The following USP4 variants were observed in gnomAD, a reference collection of about 807,000 sequenced individuals.
USP4 encodes ubiquitin specific peptidase 4, also known as ubiquitin carboxyl-terminal hydrolase 4.
A neutral mutation model predicts 118.2 loss-of-function variants in USP4; 72 were observed. The observed-to-expected ratio is 0.61, with a 90% CI of 0.50 to 0.74. The LOEUF (loss-of-function observed/expected upper bound fraction) is 0.74, where lower values mean the gene tolerates loss of function less well. USP4 is among the 30% of genes least tolerant of loss of function. The probability of loss-of-function intolerance (pLI) is 0.00; values close to 1 mark genes in which losing one functional copy is unlikely to be tolerated. For synonymous variants in USP4, 415 were observed against 440.4 expected (o/e 0.94, Z 0.72); for missense variants, 1,037 against 1,185.7 (o/e 0.87, Z 1.84).
intron 9 of USP4, 70 bp downstream of exon 9, chr3:49,305,645 C>T (rs944757447): frequency 2.2e-6 from 3 of 1,392,992 alleles, no homozygotes; most frequent in Non-Finnish European, 1.9e-6. Flanking sequence ...ACCTGAAGTC[C>T]CGAAACATTT....
intron 1 of USP4, 109 bp downstream of exon 1, chr3:49,339,815 G>C (rs2047718373): frequency 1.2e-6 from 1 of 825,980 alleles, no homozygotes; most frequent in Admixed American, 2.3e-5. Flanking sequence ...TACTCTTCCA[G>C]GGTCACTACA....
At chr3:49,317,545 T>TG (rs1342008615) in intron 6 of USP4, 3 of 372,230 alleles carry the variant, frequency 8.1e-6, no homozygotes, top group African/African-American at 4.6e-5. Context: ...TTTGTTTGTT[T>TG]TTTTTTTTTT....
At position 49,310,641 on chromosome 3, in the gene USP4, G is replaced by A. The variant is rs200347234; in HGVS notation, c.933C>T (p.Cys311=). The change falls in exon 8 of 22, where the codon TGC becomes TGT. Residue 311 remains cysteine, a synonymous_variant. Coordinates refer to ENST00000265560, the MANE Select transcript of USP4 (RefSeq NM_003363.4). ...LCGLGNLGNT[C]FMNSALQCLS... is the part of the protein sequence containing the mutation. Reference sequence around the variant, plus strand: ...CTACCTGCAAAGCGGAGTTCATGAAGCAGGTGTTTCCCAGGTTTCCAAGTC... The same window carrying A: ...CTACCTGCAAAGCGGAGTTCATGAAACAGGTGTTTCCCAGGTTTCCAAGTC... 4.8e-5 allele frequency: 78 copies of A among 1,613,928 alleles called. No individual in the cohort carries two copies. Among genetic ancestry groups the A allele is most frequent in the Non-Finnish European group, 5.9e-5 (70 of 1,179,888 alleles).
intron 6 of USP4, 40 bp downstream of exon 6, chr3:49,324,662 C>G: frequency 6.3e-7 from 1 of 1,581,254 alleles, no homozygotes; most frequent in South Asian, 1.1e-5. Context: ...GTCTCTTTTG[C>G]ACATGTGAGC....
chr3:49,300,432 A>C (rs1396419816), intron 11 of USP4, 35 bp downstream of exon 11: 4 of 1,592,632 alleles, frequency 2.5e-6, no homozygotes, highest in South Asian at 2.2e-5. Context: ...GACCACTTGC[A>C]GTGAGGGGTG....
At chr3:49,334,158 A>T (rs1286732312) in intron 2 of USP4, among the ~76,000 whole-genome samples, 1 of 152,250 alleles carries the variant, frequency 6.6e-6, no homozygotes, top group East Asian at 1.9e-4. Context: ...TGGAACTGAC[A>T]GATTGTCAAG....
intron 6 of USP4, 91 bp downstream of exon 6, chr3:49,324,611 G>T: frequency 8.1e-7 from 1 of 1,229,968 alleles, no homozygotes; most frequent in Non-Finnish European, 1.2e-6. Flanking sequence ...ATCTGAATCA[G>T]AACAATTTTT....
intron 8 of USP4, 44 bp downstream of exon 8, chr3:49,310,576 A>G: frequency 1.9e-6 from 3 of 1,551,808 alleles, no homozygotes; most frequent in Non-Finnish European, 2.7e-6. Context: ...TTCCACCCAA[A>G]CCTCAAGATG....
chr3:49,312,615 T>A (rs1363903843), intron 6 of USP4: 1 of 373,144 alleles, frequency 2.7e-6, no homozygotes, highest in South Asian at 1.9e-5. Context: ...AACGAAACTC[T>A]GTCTCAAAAA....
intron 19 of USP4, among the ~76,000 whole-genome samples, chr3:49,281,839 C>A (rs925476648): frequency 6.6e-6 from 1 of 151,188 alleles, no homozygotes; most frequent in Non-Finnish European, 1.5e-5. Context: ...GGTAAAACCC[C>A]GTCTCTACTA....
chr3:49,285,564 G>C (rs1204243752), intron 16 of USP4, among the ~76,000 whole-genome samples: 2 of 152,058 alleles, frequency 1.3e-5, no homozygotes. Context: ...GAAGGGAGCT[G>C]AAAGACAGAG....
At chr3:49,280,967 C>A (rs980500535) in intron 19 of USP4, 120 bp from the exon 20 acceptor site, 3 of 700,176 alleles carry the variant, frequency 4.3e-6, no homozygotes, top group Non-Finnish European at 7.3e-6. Context: ...TCAAACTATT[C>A]GAGAGAGACC....
chr3:49,327,541 A>C, intron 3 of USP4, 145 bp downstream of exon 3: 1 of 871,420 alleles, frequency 1.1e-6, no homozygotes, highest in Non-Finnish European at 1.7e-6. Flanking sequence ...TCCATCTCAA[A>C]AAAAAAAGAG....
Position 49,286,325 on chromosome 3 carries a change from C to T in USP4, c.1973G>A (p.Gly658Glu), listed in dbSNP as rs866935137. 2.5e-6 allele frequency: 4 copies of T among 1,613,820 alleles called. No homozygotes were observed. In the African/African-American group the frequency reaches 4.0e-5, roughly 16 times the overall value. ...ATGCTCCATTTCTTCCTCATCTTCT[C>T]CTGGCACATAAATGGAAAACAATAT... ...ACNGSRNSCE[G>E]EDEEEMEHQE... is the part of the protein sequence containing the mutation. The change falls in exon 16 of 22, where the codon GGA becomes GAA. Residue 658 changes from glycine (G) to glutamate (E), a missense_variant and splice_region_variant. By Grantham distance (98) the Gly-to-Glu change is moderately conservative (BLOSUM62 -2). Around this residue, in one of 3 missense-constraint regions of USP4, gnomAD observed 522 missense variants for 592.6 expected, o/e 0.88. Coordinates refer to ENST00000265560, the MANE Select transcript of USP4 (RefSeq NM_003363.4).
Position 49,287,365 on chromosome 3 carries a change from A to T in USP4, c.1973-1040T>A, listed in dbSNP as rs192641209. The stretch of plus-strand genomic sequence containing the variant: ...GAGACAAGGGTTCACCATGTTCACC[A>T]GGATGGTCTCTAGCTCCTGACCTCG... On this transcript the variant is annotated intron_variant, in intron 15 of 21. Coordinates refer to ENST00000265560, the MANE Select transcript of USP4 (RefSeq NM_003363.4). 2.8e-3 allele frequency among the ~76,000 whole-genome samples: 420 copies of T among 152,116 alleles called. 3 individuals carry two copies. Among genetic ancestry groups the T allele is most frequent in the African/African-American group, 9.4e-3 (390 of 41,498 alleles).
intron 1 of USP4, among the ~76,000 whole-genome samples, chr3:49,336,554 C>T (rs1241392157): frequency 1.3e-5 from 2 of 151,412 alleles, no homozygotes; most frequent in African/African-American, 2.4e-5. Context: ...GACAGAGTTT[C>T]GCTCTTGTTA....
intron 15 of USP4, among the ~76,000 whole-genome samples, chr3:49,292,180 G>A (rs1376380498): frequency 6.6e-6 from 1 of 151,920 alleles, no homozygotes; most frequent in Non-Finnish European, 1.5e-5. Context: ...CAGCTACTCT[G>A]GAGGCTGAGG....
intron 19 of USP4, 70 bp from the exon 20 acceptor site, chr3:49,280,917 C>T: frequency 7.6e-7 from 1 of 1,320,474 alleles, no homozygotes; most frequent in Non-Finnish European, 1.1e-6. Flanking sequence ...AGTAACCCAG[C>T]AACCTCTGTT....
At chr3:49,308,687 T>C (rs1224046047) in intron 8 of USP4, among the ~76,000 whole-genome samples, 1 of 151,486 alleles carries the variant, frequency 6.6e-6, no homozygotes, top group African/African-American at 2.4e-5. Flanking sequence ...TGAGCTTCCA[T>C]AGTTTGCAGT....
Sources: gnomAD v4.1 joint callset for allele counts (sites outside exome capture counted in the v4.1 genomes callset) on GRCh38, gnomAD v4.1.1 for gene constraint, gnomAD v4.1.1 regional missense constraint, MANE v1.5 for transcripts, NCBI Gene and HGNC (gene_info 2026-07-23, HGNC 2026-07-21) for gene names.